FSHR: variants seen among roughly 807,000 people sequenced by gnomAD.
FSHR encodes follicle stimulating hormone receptor, also known as follicle-stimulating hormone receptor.
A neutral mutation model predicts 52.1 loss-of-function variants in FSHR; 46 were observed. The observed-to-expected ratio is 0.88, with a 90% CI of 0.70 to 1.13. FSHR has a LOEUF of 1.13. Ranked by LOEUF, FSHR falls within the 50% of genes most tolerant of loss-of-function variation. The probability of loss-of-function intolerance (pLI) is 0.00; values close to 1 mark genes in which losing one functional copy is unlikely to be tolerated. For missense variants in FSHR, 964 were observed against 834.6 expected (o/e 1.16, Z -1.91); for synonymous variants, 399 against 309.6 (o/e 1.29, Z -3.03).
intron 1 of FSHR, among the ~76,000 whole-genome samples, chr2:49,091,282 G>A (rs1320121997): frequency 6.6e-6 from 1 of 151,932 alleles, no homozygotes; most frequent in Non-Finnish European, 1.5e-5. Context: ...GAGAATTTTT[G>A]TGTACGGTAT....
chr2:49,058,501 G>A (rs911787529), intron 2 of FSHR, among the ~76,000 whole-genome samples: 1 of 151,978 alleles, frequency 6.6e-6, no homozygotes, highest in African/African-American at 2.4e-5. Context: ...AGCAGAGATC[G>A]AGCCACTGCA....
chr2:49,030,335 C>T (rs1039391831), intron 2 of FSHR, among the ~76,000 whole-genome samples: 3 of 150,428 alleles, frequency 2.0e-5, no homozygotes, highest in Admixed American at 6.7e-5. Flanking sequence ...CTGTCCTGTC[C>T]ACTGCTGGCA....
Position 48,971,694 on chromosome 2 carries a change from A to T in FSHR, c.669-2811T>A, listed in dbSNP as rs61564076. Among the ~76,000 whole-genome samples the T allele has an allele frequency of 7.9e-3, 1,200 of 152,328 alleles. 15 individuals carry two copies. Among genetic ancestry groups the T allele is most frequent in the African/African-American group, 0.028 (1,158 of 41,564 alleles). The stretch of plus-strand genomic sequence containing the variant: ...TTCTATCACTACTGAGAAAATTATA[A>T]TGAAATCTCCAACAATGATTTTGGA... On this transcript the variant is annotated intron_variant, in intron 8 of 9. Coordinates refer to ENST00000406846, the MANE Select transcript of FSHR (RefSeq NM_000145.4).
intron 4 of FSHR, among the ~76,000 whole-genome samples, chr2:49,002,515 G>A (rs914784955): frequency 2.0e-5 from 3 of 152,076 alleles, no homozygotes; most frequent in African/African-American, 7.2e-5. Flanking sequence ...TTATAGTCAT[G>A]GAGAAAGGGG....
At chr2:49,083,747 A>C (rs574137141) in intron 1 of FSHR, among the ~76,000 whole-genome samples, 19 of 148,836 alleles carry the variant, frequency 1.3e-4, no homozygotes, top group African/African-American at 4.5e-4. Flanking sequence ...AGAGACAAAG[A>C]AGGCCATTAC....
At chr2:49,021,877 A>C (rs1323609841) in intron 2 of FSHR, among the ~76,000 whole-genome samples, 2 of 48,828 alleles carry the variant, frequency 4.1e-5, no homozygotes, top group African/African-American at 7.1e-5. Context: ...ATATATATAT[A>C]TATATATATA....
chr2:49,061,855 TA>T (rs370974916), intron 2 of FSHR, among the ~76,000 whole-genome samples: 2 of 63,238 alleles, frequency 3.2e-5, no homozygotes, highest in Non-Finnish European at 4.1e-5. Context: ...AATATAAATA[TA>T]ATATATTTAT....
Position 49,068,250 on chromosome 2 carries a change from C to A in FSHR, c.193G>T (p.Ala65Ser). 6.2e-7 allele frequency: 1 copy of A among 1,611,316 alleles called. No homozygotes were observed. Among genetic ancestry groups the A allele is most frequent in the Middle Eastern group, 1.7e-4 (1 of 6,050 alleles). The change falls in exon 2 of 10, where the codon GCA (alanine) becomes TCA (serine). Residue 65 changes from alanine to serine, a missense_variant. Physicochemically the swap from Ala to Ser is moderately conservative, Grantham distance 99. Coordinates refer to ENST00000406846, the MANE Select transcript of FSHR (RefSeq NM_000145.4). ...TCCAGGTCCCCAAATCCTGAAAATG[C>A]ACCTTTTTGGATGACTCGAAGCTTG... ...LTKLRVIQKGAFSGFGDLEKI... is the reference protein window; with the variant it reads ...LTKLRVIQKGSFSGFGDLEKI...
chr2:49,038,739 C>T (rs759442495), intron 2 of FSHR, among the ~76,000 whole-genome samples: 3 of 150,604 alleles, frequency 2.0e-5, no homozygotes, highest in African/African-American at 2.4e-5. Context: ...TAGAAAATTG[C>T]GAGAGGAAGA....
intron 2 of FSHR, among the ~76,000 whole-genome samples, chr2:49,054,920 A>G (rs1227114664): frequency 1.3e-5 from 2 of 152,202 alleles, no homozygotes; most frequent in Non-Finnish European, 2.9e-5. Context: ...TAAAATTGGA[A>G]CAGGTGACTG....
At chr2:48,967,346 G>A (rs1041024438) in intron 9 of FSHR, among the ~76,000 whole-genome samples, 14 of 152,074 alleles carry the variant, frequency 9.2e-5, no homozygotes, top group African/African-American at 2.2e-4. Context: ...GAGTTATTCC[G>A]CCTTGGCCTC....
rs1325051988 is a variant in FSHR at position 48,968,853 on chromosome 2, C to A, written c.699G>T (p.Leu233=). ...LDISRTRIHS[L]PSYGLENLKK... Reference sequence around the variant, plus strand: ...TAAGATTTTCTAAGCCATAGCTAGGCAGGGAATGGATCCTTGTTCTTGAAA... The same window carrying A: ...TAAGATTTTCTAAGCCATAGCTAGGAAGGGAATGGATCCTTGTTCTTGAAA... Residue 233 remains leucine (L), a synonymous_variant, in exon 9 of 10, where the codon CTG becomes CTT. Transcript: ENST00000406846. The A allele has an allele frequency of 2.5e-6, 4 of 1,613,880 alleles. 1 individual carries two copies. In the South Asian group the frequency reaches 3.3e-5, roughly 13 times the overall value.
chr2:49,002,955 G>C (rs1370512825), intron 4 of FSHR, among the ~76,000 whole-genome samples: 1 of 152,096 alleles, frequency 6.6e-6, no homozygotes, highest in Non-Finnish European at 1.5e-5. Flanking sequence ...TTGTGAGGGA[G>C]GTTGCCTAGC....
At chr2:49,095,890 A>G (rs1233530470) in intron 1 of FSHR, among the ~76,000 whole-genome samples, 1 of 152,184 alleles carries the variant, frequency 6.6e-6, no homozygotes, top group Non-Finnish European at 1.5e-5. Context: ...TCATTAGGGA[A>G]ATGCAGATAA....
At chr2:49,008,678 T>C (rs1486728300) in intron 4 of FSHR, among the ~76,000 whole-genome samples, 1 of 142,412 alleles carries the variant, frequency 7.0e-6, no homozygotes, top group East Asian at 2.1e-4. Context: ...CCACATCCTC[T>C]CCAGCACCTG....
At chr2:48,996,075 C>T (rs954759330) in intron 4 of FSHR, among the ~76,000 whole-genome samples, 6 of 152,060 alleles carry the variant, frequency 3.9e-5, no homozygotes, top group East Asian at 1.9e-4. Context: ...TCCTAGTAAC[C>T]AAGGCTGAGG....
chr2:49,050,231 GTTAATTTGCAAC>G (rs1352401977), intron 2 of FSHR, among the ~76,000 whole-genome samples: 1 of 152,140 alleles, frequency 6.6e-6, no homozygotes, highest in African/African-American at 2.4e-5. Context: ...TGATGGCTAA[GTTAATTTGCAAC>G]TTAACAGCAA....
At position 49,038,288 on chromosome 2, in the gene FSHR, C is replaced by A. The variant is rs908109024; in HGVS notation, c.225-18128G>T. 1.4e-4 allele frequency among the ~76,000 whole-genome samples: 21 copies of A among 152,174 alleles called. No individual in the cohort carries two copies. The South Asian group carries it at 4.0e-3, about 29-fold the overall frequency. On this transcript the variant is annotated intron_variant, in intron 2 of 9. Coordinates refer to ENST00000406846, the MANE Select transcript of FSHR (RefSeq NM_000145.4). Reference sequence around the variant, plus strand: ...AGAGTTTAAGAAGTGAAGTCTCTGGCAAGTAATAGTAATATTAAATACTTA... The same window carrying A: ...AGAGTTTAAGAAGTGAAGTCTCTGGAAAGTAATAGTAATATTAAATACTTA...
intron 1 of FSHR, among the ~76,000 whole-genome samples, chr2:49,081,057 T>C (rs1037319592): frequency 6.6e-6 from 1 of 152,108 alleles, no homozygotes; most frequent in Non-Finnish European, 1.5e-5. Context: ...CCCCCTTACT[T>C]TCTCTGCCTT....
Sources: allele counts gnomAD v4.1 joint callset (sites outside exome capture counted in the v4.1 genomes callset), GRCh38; gene constraint gnomAD v4.1.1; transcripts MANE v1.5; gene names NCBI Gene and HGNC (gene_info 2026-07-23, HGNC 2026-07-21).